The following PAPPA variants were observed in gnomAD, a reference collection of about 807,000 sequenced individuals.
PAPPA encodes the protein pappalysin 1.
In PAPPA, 60 loss-of-function variants were observed where a neutral mutation model predicts 164.0. The observed-to-expected ratio is 0.37, with a 90% confidence interval of 0.30 to 0.45. PAPPA has a LOEUF of 0.45. Ranked by LOEUF, PAPPA falls within the 20% of genes least tolerant of loss-of-function variation. PAPPA has a pLI of 1.00. For missense variants in PAPPA, 1,782 were observed against 2,087.3 expected (o/e 0.85, Z 2.85); for synonymous variants, 875 against 814.1 (o/e 1.07, Z -1.27).
intron 9 of PAPPA, among the ~76,000 whole-genome samples, chr9:116,279,775 G>T (rs1244075454): frequency 1.3e-5 from 2 of 152,182 alleles, no homozygotes; most frequent in Non-Finnish European, 2.9e-5. Flanking sequence ...GACTGAGGCG[G>T]ACTGGGAGAG....
chr9:116,185,146 G>A (rs1888637), intron 1 of PAPPA, among the ~76,000 whole-genome samples: 40,892 of 152,118 alleles, frequency 0.27, 6,569 homozygotes, highest in Non-Finnish European at 0.36. Flanking sequence ...GACCTAATAT[G>A]TGACACAGAA....
chr9:116,163,685 G>T (rs1564171147), intron 1 of PAPPA, among the ~76,000 whole-genome samples: 1 of 152,154 alleles, frequency 6.6e-6, no homozygotes, highest in Non-Finnish European at 1.5e-5. Flanking sequence ...ACTAGGTGGT[G>T]CCTGTGCCTG....
intron 7 of PAPPA, among the ~76,000 whole-genome samples, chr9:116,238,096 C>G (rs186416842): frequency 3.9e-5 from 6 of 152,100 alleles, no homozygotes; most frequent in African/African-American, 9.6e-5. Context: ...TATCCCATCT[C>G]CACTCTCCCC....
intron 6 of PAPPA, among the ~76,000 whole-genome samples, chr9:116,228,643 C>A (rs1844546613): frequency 6.6e-6 from 1 of 152,128 alleles, no homozygotes; most frequent in Non-Finnish European, 1.5e-5. Flanking sequence ...ACAAATCCAT[C>A]TGGAATGTAA....
chr9:116,187,780 C>T lies in PAPPA; in HGVS notation c.1042C>T (p.Arg348Cys), dbSNP rs138142503. The part of the protein sequence containing the change: ...IASYNQLSSF[R>C]QPKVVRYRVV... ...CAGCTACAATCAGCTCTCAAGTTTC[C>T]GCCAGCCCAAGGTGGTGCGCTACCG... The change falls in exon 2 of 22, where the codon CGC becomes TGC. Residue 348 changes from arginine to cysteine, a missense_variant. By Grantham distance (180) the Arg-to-Cys change is radical. Around this residue, in one of 2 missense-constraint regions of PAPPA, gnomAD observed 1,324 missense variants for 1,656.9 expected, o/e 0.80. Coordinates refer to ENST00000328252, the MANE Select transcript of PAPPA (RefSeq NM_002581.5). The surrounding 1 kb of genome is among the most constrained non-coding windows in gnomAD (Gnocchi z 4.2). The T allele has an allele frequency of 1.9e-6, 3 of 1,614,232 alleles. No individual in the cohort carries two copies. Among genetic ancestry groups the T allele is most frequent in the Middle Eastern group, 1.6e-4 (1 of 6,062 alleles).
intron 1 of PAPPA, among the ~76,000 whole-genome samples, chr9:116,168,969 C>A (rs146617628): frequency 6.6e-6 from 1 of 152,240 alleles, no homozygotes; most frequent in East Asian, 1.9e-4. Context: ...TCGGTGAGGG[C>A]TGGCTAAACA....
intron 17 of PAPPA, among the ~76,000 whole-genome samples, chr9:116,362,084 T>C (rs895600667): frequency 2.0e-5 from 3 of 147,350 alleles, no homozygotes; most frequent in African/African-American, 7.3e-5. Context: ...GGAAAAGAAA[T>C]GTCTTGGAAA....
intron 9 of PAPPA, among the ~76,000 whole-genome samples, chr9:116,289,348 CATAT>C (rs1212137355): frequency 7.9e-6 from 1 of 126,136 alleles, no homozygotes; most frequent in Admixed American, 8.0e-5. Flanking sequence ...ATATATATGG[CATAT>C]ATATGGCATA....
chr9:116,373,592 C>T (rs1846604698), intron 19 of PAPPA: 1 of 152,036 alleles, frequency 6.6e-6, no homozygotes, highest in Admixed American at 6.6e-5. Flanking sequence ...ATGTCTTTGG[C>T]TCTGCTTGGG....
At chr9:116,369,128 C>T (rs1195755017) in intron 19 of PAPPA, among the ~76,000 whole-genome samples, 1 of 152,106 alleles carries the variant, frequency 6.6e-6, no homozygotes, top group South Asian at 2.1e-4. Context: ...CCCACACTCT[C>T]CTTTCCATCA....
chr9:116,217,100 C>T (rs1485365112), intron 4 of PAPPA, among the ~76,000 whole-genome samples: 1 of 152,110 alleles, frequency 6.6e-6, no homozygotes, highest in Admixed American at 6.5e-5. Flanking sequence ...CATCACCTAC[C>T]CATTTTTTCA....
At chr9:116,295,321 C>G (rs554351509) in intron 9 of PAPPA, among the ~76,000 whole-genome samples, 132 of 151,888 alleles carry the variant, frequency 8.7e-4, no homozygotes, top group African/African-American at 3.1e-3. Context: ...GGAGGCTGAA[C>G]GGGGGGTGGA....
intron 9 of PAPPA, among the ~76,000 whole-genome samples, chr9:116,298,593 TA>T (rs1845539206): frequency 6.6e-6 from 1 of 152,232 alleles, no homozygotes; most frequent in South Asian, 2.1e-4. Context: ...AGACATAGTC[TA>T]AAGAAAATAG....
chr9:116,235,626 A>G lies in PAPPA; in HGVS notation c.2721A>G (p.Lys907=). The change falls in exon 7 of 22, where the codon AAA becomes AAG. Residue 907 remains lysine, a synonymous_variant. Transcript: ENST00000328252. ...DVASILHLNR[K]FVDMDLNLGS... ...CCTCCATCCTACATCTCAATAGGAA[A>G]TTCGTAGACATGTAAGTGCATTCTC... is the stretch of plus-strand genomic sequence containing the variant. The G allele has an allele frequency of 6.2e-7, 1 of 1,613,136 alleles. No homozygotes were observed.
chr9:116,230,402 G>C (rs1319180045), intron 6 of PAPPA, among the ~76,000 whole-genome samples: 2 of 152,178 alleles, frequency 1.3e-5, no homozygotes, highest in African/African-American at 4.8e-5. Flanking sequence ...GTATGGTTGG[G>C]GAAAAAACAT....
chr9:116,343,490 A>C (rs535403669), intron 13 of PAPPA, among the ~76,000 whole-genome samples: 3 of 152,240 alleles, frequency 2.0e-5, no homozygotes, highest in Non-Finnish European at 4.4e-5. Context: ...AACGGGTGGA[A>C]TTCAGACTGG....
At position 116,380,827 on chromosome 9, in the gene PAPPA, TGTGA is replaced by T. The variant is rs137990102; in HGVS notation, c.4678-1565_4678-1562del. ...TCATGAGTTCAGGGTGAAAAGTTTC[TGTGA>T]GTAAGAATTTGGAACAGAGAGGCAA... On this transcript the variant is annotated intron_variant, in intron 20 of 21. Coordinates refer to ENST00000328252, the MANE Select transcript of PAPPA (RefSeq NM_002581.5). 6.7e-3 allele frequency among the ~76,000 whole-genome samples: 1,018 copies of T among 152,286 alleles called. 6 individuals carry two copies. Among genetic ancestry groups the T allele is most frequent in the African/African-American group, 0.018 (757 of 41,558 alleles).
chr9:116,317,057 A>G (rs1845795829), intron 10 of PAPPA, among the ~76,000 whole-genome samples: 1 of 152,166 alleles, frequency 6.6e-6, no homozygotes, highest in African/African-American at 2.4e-5. Context: ...CACAATCTGG[A>G]ACACACAGAT....
At chr9:116,209,257 T>G (rs1260574761) in intron 3 of PAPPA, among the ~76,000 whole-genome samples, 1 of 152,154 alleles carries the variant, frequency 6.6e-6, no homozygotes, top group African/African-American at 2.4e-5. Flanking sequence ...AGAGCCAAAA[T>G]TCGTGTTTGT....
Sources: gnomAD v4.1 joint callset for allele counts (sites outside exome capture counted in the v4.1 genomes callset) on GRCh38, gnomAD v4.1.1 for gene constraint, gnomAD v4.1.1 regional missense constraint, Gnocchi (gnomAD v3.1) non-coding constraint, MANE v1.5 for transcripts, NCBI Gene and HGNC (gene_info 2026-07-23, HGNC 2026-07-21) for gene names.